The following WDR7 variants were observed in gnomAD, a reference collection of about 807,000 sequenced individuals.
WDR7 encodes WD repeat domain 7, also known as WD repeat-containing protein 7.
A neutral mutation model predicts 169.4 loss-of-function variants in WDR7; 46 were observed. The ratio of observed to expected loss-of-function variants is 0.27; its 90% CI spans 0.21 to 0.35. The LOEUF (loss-of-function observed/expected upper bound fraction) is 0.35. WDR7 is among the 10% of genes least tolerant of loss of function. The pLI is 1.00. For missense variants in WDR7, 1,534 were observed against 1,859.3 expected, an observed-to-expected ratio of 0.83 and a Z score of 3.22; for synonymous variants, 612 against 666.8, an observed-to-expected ratio of 0.92 and a Z score of 1.27.
intron 26 of WDR7, among the ~76,000 whole-genome samples, chr18:56,963,595 GTC>G (rs1222400229): frequency 6.6e-6 from 1 of 152,088 alleles, no homozygotes; most frequent in Non-Finnish European, 1.5e-5. Context: ...CCTTCTCAAA[GTC>G]TCTAATGTGT....
chr18:56,872,586 T>G (rs1014303676), intron 20 of WDR7: 4 of 152,226 alleles, frequency 2.6e-5, no homozygotes, highest in African/African-American at 9.6e-5. Context: ...AACCCAATAA[T>G]GAGACCACGT....
At chr18:56,722,287 G>A (rs2026339606) in intron 13 of WDR7, among the ~76,000 whole-genome samples, 2 of 152,084 alleles carry the variant, frequency 1.3e-5, no homozygotes, top group African/African-American at 4.8e-5. Flanking sequence ...TTAAATTGAT[G>A]TTTTTCTCTT....
At chr18:56,803,840 C>T (rs750945103) in intron 19 of WDR7, among the ~76,000 whole-genome samples, 6 of 152,140 alleles carry the variant, frequency 3.9e-5, no homozygotes, top group South Asian at 2.1e-4. Context: ...CTTGCTCCGT[C>T]GCCCAGGCTG....
At chr18:57,021,251 G>A (rs1000885719) in intron 27 of WDR7, among the ~76,000 whole-genome samples, 5 of 152,136 alleles carry the variant, frequency 3.3e-5, no homozygotes, top group Non-Finnish European at 7.3e-5. Context: ...GGTTAAGAAG[G>A]GGGCACAGGT....
At chr18:56,729,765 G>T (rs1340672263) in intron 13 of WDR7, among the ~76,000 whole-genome samples, 1 of 152,110 alleles carries the variant, frequency 6.6e-6, no homozygotes, top group Non-Finnish European at 1.5e-5. Context: ...AGGAATTCCT[G>T]TGTTAAAGGA....
intron 18 of WDR7, 59 bp from the exon 19 acceptor site, chr18:56,781,474 A>C (rs367953736): frequency 1.4e-6 from 2 of 1,404,924 alleles, no homozygotes; most frequent in African/African-American, 2.9e-5. Context: ...CTAGTTTATG[A>C]ATATTCACCT....
chr18:56,955,467 G>A (rs1285407967), intron 25 of WDR7, among the ~76,000 whole-genome samples: 2 of 152,120 alleles, frequency 1.3e-5, no homozygotes, highest in South Asian at 4.2e-4. Context: ...AAAATAATTT[G>A]CAATTATTAT....
intron 21 of WDR7, among the ~76,000 whole-genome samples, chr18:56,887,547 G>A (rs2145509273): frequency 6.6e-6 from 1 of 152,158 alleles, no homozygotes; most frequent in Admixed American, 6.5e-5. Context: ...AATTTAAAAT[G>A]TGTAGAATGT....
chr18:56,995,018 T>C (rs970561966), intron 26 of WDR7, among the ~76,000 whole-genome samples: 4 of 152,190 alleles, frequency 2.6e-5, no homozygotes, highest in African/African-American at 9.6e-5. Context: ...TTAGTTGCTC[T>C]TCGTATTTGT....
intron 20 of WDR7, among the ~76,000 whole-genome samples, chr18:56,864,228 T>C (rs995930199): frequency 1.3e-5 from 2 of 151,684 alleles, no homozygotes; most frequent in African/African-American, 4.8e-5. Context: ...TTAAAAAACC[T>C]AATAGCTAAA....
At chr18:56,903,131 G>A (rs925085492) in intron 21 of WDR7, among the ~76,000 whole-genome samples, 1 of 152,110 alleles carries the variant, frequency 6.6e-6, no homozygotes, top group Admixed American at 6.5e-5. Flanking sequence ...ATACTTAATA[G>A]CAACCTTGCC....
At chr18:56,880,283 A>C (rs2046087485) in intron 21 of WDR7, 118 bp downstream of exon 21, 4 of 980,986 alleles carry the variant, frequency 4.1e-6, no homozygotes, top group Non-Finnish European at 6.0e-6. Context: ...GCTTGCGTGA[A>C]GTTAGAAAGC....
At chr18:56,935,658 G>C (rs1434007288) in intron 22 of WDR7, 130 bp from the exon 23 acceptor site, 8 of 808,820 alleles carry the variant, frequency 9.9e-6, no homozygotes, top group Non-Finnish European at 1.5e-5. Context: ...ATTGTTGCAA[G>C]TCCATTATAT....
chr18:56,878,878 G>A (rs1015503990), intron 20 of WDR7, among the ~76,000 whole-genome samples: 1 of 152,116 alleles, frequency 6.6e-6, no homozygotes, highest in Non-Finnish European at 1.5e-5. Flanking sequence ...TTTGTGGCAT[G>A]TATCATTACT....
intron 20 of WDR7, among the ~76,000 whole-genome samples, chr18:56,826,713 G>A (rs1568217448): frequency 6.6e-6 from 1 of 152,088 alleles, no homozygotes; most frequent in African/African-American, 2.4e-5. Flanking sequence ...AAATAAAGAT[G>A]GATGAATTAA....
At chr18:56,768,838 G>A (rs1313527971) in intron 16 of WDR7, among the ~76,000 whole-genome samples, 1 of 152,202 alleles carries the variant, frequency 6.6e-6, no homozygotes, top group East Asian at 1.9e-4. Flanking sequence ...TTGTTCAGCT[G>A]CCAAATAATC....
At chr18:56,655,598 G>A (rs576521241) in intron 1 of WDR7, among the ~76,000 whole-genome samples, 5 of 132,912 alleles carry the variant, frequency 3.8e-5, no homozygotes, top group Non-Finnish European at 7.8e-5. Flanking sequence ...TCTAGCCTGG[G>A]ACAGAGTAAG....
chr18:56,957,388 C>T (rs1349840866), intron 25 of WDR7: 6 of 151,916 alleles, frequency 3.9e-5, no homozygotes, highest in African/African-American at 1.5e-4. Context: ...CATGTTGCTT[C>T]CCTTCAACTG....
intron 20 of WDR7, among the ~76,000 whole-genome samples, chr18:56,819,076 T>G (rs1030452603): frequency 7.9e-5 from 12 of 152,188 alleles, no homozygotes; most frequent in Admixed American, 5.2e-4. Flanking sequence ...AATATAATGC[T>G]TTCACTAAAG....
Sources: allele counts gnomAD v4.1 joint callset (sites outside exome capture counted in the v4.1 genomes callset), GRCh38; gene constraint gnomAD v4.1.1; transcripts MANE v1.5; gene names NCBI Gene and HGNC (gene_info 2026-07-23, HGNC 2026-07-21).